Variants in HEXB observed in about 807,000 individuals in gnomAD.
The protein encoded by HEXB is beta-hexosaminidase subunit beta.
In HEXB, 51 loss-of-function variants were observed where a neutral mutation model predicts 71.2. That is an observed-to-expected ratio of 0.72 (90% CI 0.57 to 0.90). The LOEUF is 0.90. Among genes scored for constraint, HEXB ranks in the 40% least tolerant of loss-of-function variants. The probability of loss-of-function intolerance (pLI) is 0.00; values close to 1 mark genes in which losing one functional copy is unlikely to be tolerated. For synonymous variants in HEXB, 266 were observed against 249.3 expected, an observed-to-expected ratio of 1.07 and a Z score of -0.63; for missense variants, 617 against 677.0, an observed-to-expected ratio of 0.91 and a Z score of 0.98.
chr5:74,647,825 T>TAGCCAATCAGTCATTCATTC (rs1361863278), intron 1 of HEXB, among the ~76,000 whole-genome samples: 1 of 152,258 alleles, frequency 6.6e-6, no homozygotes, highest in Non-Finnish European at 1.5e-5. Flanking sequence ...TTCATTCATT[T>TAGCCAATCAGTCATTCATTC]AGCCAATCAG....
chr5:74,646,988 C>A (rs1053081177), intron 1 of HEXB, among the ~76,000 whole-genome samples: 6 of 152,184 alleles, frequency 3.9e-5, no homozygotes, highest in African/African-American at 1.4e-4. Flanking sequence ...GGTAGCCCTG[C>A]CAAAACACAT....
Position 74,652,212 on chromosome 5 carries a change from C to G in HEXB, c.-377+11654C>G, listed in dbSNP as rs1748125983. Among the ~76,000 whole-genome samples the G allele has an allele frequency of 6.6e-6, 1 of 152,166 alleles. No individual in the cohort carries two copies. Among genetic ancestry groups the G allele is most frequent in the Admixed American group, 6.5e-5 (1 of 15,286 alleles). On this transcript the variant is annotated intron_variant, in intron 1 of 13. Coordinates refer to the HEXB transcript ENST00000511181. This position sits in a 1 kb window ranked among gnomAD's most constrained non-coding sequence, Gnocchi z 5.4. ...ACAGTGGTTTACCTCTCAACAATCC[C>G]AGGAGGTAGATACTATCATTATCTC...
chr5:74,651,283 T>C (rs537484566), intron 1 of HEXB, among the ~76,000 whole-genome samples: 65 of 152,190 alleles, frequency 4.3e-4, no homozygotes, highest in African/African-American at 1.5e-3. Flanking sequence ...TCCATTAGAC[T>C]ACCTCTGTCT....
intron 1 of HEXB, among the ~76,000 whole-genome samples, chr5:74,648,706 C>T (rs1748046877): frequency 6.6e-6 from 1 of 152,200 alleles, no homozygotes; most frequent in Non-Finnish European, 1.5e-5. Context: ...TGATCAATGT[C>T]ATCGGCATAC....
At chr5:74,656,739 G>A (rs556800315) in intron 1 of HEXB, among the ~76,000 whole-genome samples, 3 of 152,192 alleles carry the variant, frequency 2.0e-5, no homozygotes, top group Admixed American at 1.3e-4. Context: ...AGCCTCCTGA[G>A]GAGCTGGGAT....
In HEXB at chr5:74,685,300, C is replaced by T. The variant is rs1209900411; in HGVS notation, c.40C>T (p.Leu14=). 1 of 1,559,076 alleles carries T rather than the reference C, an allele frequency of 6.4e-7. No homozygotes were observed. ...CGLGLPRPPM[L]LALLLATLLA... Reference sequence around the variant, plus strand: ...GCTGGGGCTGCCCCGGCCGCCCATGCTGCTGGCGCTGCTGTTGGCGACACT... The same window carrying T: ...GCTGGGGCTGCCCCGGCCGCCCATGTTGCTGGCGCTGCTGTTGGCGACACT... Residue 14 remains leucine (L), a synonymous_variant, in exon 1 of 14, where the codon CTG becomes TTG. Transcript: ENST00000261416.
chr5:74,684,079 A>T (rs1369747130), upstream of HEXB, among the ~76,000 whole-genome samples: 1 of 152,138 alleles, frequency 6.6e-6, no homozygotes, highest in African/African-American at 2.4e-5. Context: ...TTCGCCTTCC[A>T]AAGTGCTGGG....
At chr5:74,643,038 T>C (rs1278737815) in intron 1 of HEXB, among the ~76,000 whole-genome samples, 1 of 152,216 alleles carries the variant, frequency 6.6e-6, no homozygotes, top group Non-Finnish European at 1.5e-5. Context: ...AATTAGCTTA[T>C]GTAAGTCCTA....
intron 1 of HEXB, among the ~76,000 whole-genome samples, chr5:74,654,652 G>A (rs1748183429): frequency 6.6e-6 from 1 of 152,178 alleles, no homozygotes; most frequent in Non-Finnish European, 1.5e-5. Context: ...GGATCTAGAG[G>A]GGGAAACGAG....
intron 11 of HEXB, among the ~76,000 whole-genome samples, chr5:74,719,769 CTG>C (rs1749773990): frequency 6.6e-6 from 1 of 152,086 alleles, no homozygotes. Flanking sequence ...TGGTGAAATT[CTG>C]TCTCTACTAA....
rs1229601430 is a variant in HEXB at position 74,685,249 on chromosome 5, A to G, written c.-12A>G. On this transcript the variant is annotated 5_prime_UTR_variant, in exon 1 of 14. Coordinates refer to ENST00000261416, the MANE Select transcript of HEXB (RefSeq NM_000521.4). ...CGGCTCGGCAGACCGGGCGGAAAGCAGCCGAGCGGCCATGGAGCTGTGCGG... is the reference window on the plus strand; with the variant it reads ...CGGCTCGGCAGACCGGGCGGAAAGCGGCCGAGCGGCCATGGAGCTGTGCGG... 2.7e-6 allele frequency: 4 copies of G among 1,498,312 alleles called. No individual in the cohort carries two copies. Among genetic ancestry groups the G allele is most frequent in the Non-Finnish European group, 3.5e-6 (4 of 1,130,896 alleles). 92.8% of individuals were successfully genotyped at this position (1,498,312 alleles called of 1,614,324 possible).
Position 74,685,523 on chromosome 5 carries a change from G to T in HEXB, c.263G>T (p.Gly88Val), listed in dbSNP as rs2112123065. Reference sequence around the variant, plus strand: ...AGCCACAGCCCCAATTCCACGGCGGGCCCCTCCTGCACCCTGCTGGAGGAA... The same window carrying T: ...AGCCACAGCCCCAATTCCACGGCGGTCCCCTCCTGCACCCTGCTGGAGGAA... ...YISHSPNSTAGPSCTLLEEAF... is the reference protein window; with the variant it reads ...YISHSPNSTAVPSCTLLEEAF... The change falls in exon 1 of 14, where the codon GGC (glycine) becomes GTC (valine). Residue 88 changes from glycine (G) to valine (V), a missense_variant. Transcript: ENST00000261416. 1.2e-6 allele frequency: 2 copies of T among 1,603,512 alleles called. No individual in the cohort carries two copies. Among genetic ancestry groups the T allele is most frequent in the African/African-American group, 1.4e-5 (1 of 73,978 alleles).
intron 1 of HEXB, among the ~76,000 whole-genome samples, chr5:74,665,636 T>C (rs1276412421): frequency 2.0e-5 from 3 of 152,242 alleles, no homozygotes; most frequent in Non-Finnish European, 4.4e-5. Flanking sequence ...GCAAGTTTGA[T>C]GAAATCATAT....
chr5:74,685,275 G>T lies in HEXB; in HGVS notation c.15G>T (p.Gly5=). 6.5e-7 allele frequency: 1 copy of T among 1,540,638 alleles called. No individual in the cohort carries two copies. The highest frequency in any genetic ancestry group is 8.7e-7 in the Non-Finnish European group (1 of 1,148,946). ...GCCGAGCGGCCATGGAGCTGTGCGG[G>T]CTGGGGCTGCCCCGGCCGCCCATGC... MELC[G]LGLPRPPMLL... The change falls in exon 1 of 14, where the codon GGG becomes GGT. Residue 5 remains glycine (G), a synonymous_variant. Transcript: ENST00000261416.
intron 13 of HEXB, 57 bp downstream of exon 13, chr5:74,720,804 C>A: frequency 3.0e-6 from 4 of 1,344,902 alleles, no homozygotes; most frequent in South Asian, 2.4e-5. Context: ...GTGTTAGTTT[C>A]TTTTGCTATA....
At chr5:74,706,502 A>T (rs1749393696) in intron 6 of HEXB, among the ~76,000 whole-genome samples, 1 of 152,208 alleles carries the variant, frequency 6.6e-6, no homozygotes, top group Admixed American at 6.5e-5. Flanking sequence ...GCGTTGCCTC[A>T]CTCGGGAAGC....
chr5:74,674,047 G>A (rs1353997762), intron 1 of HEXB, among the ~76,000 whole-genome samples: 2 of 152,098 alleles, frequency 1.3e-5, no homozygotes, highest in Non-Finnish European at 1.5e-5. Flanking sequence ...GCATTCAGAA[G>A]CAGGGAAGTA....
At chr5:74,648,078 T>C (rs1748033759) in intron 1 of HEXB, among the ~76,000 whole-genome samples, 1 of 152,224 alleles carries the variant, frequency 6.6e-6, no homozygotes, top group East Asian at 1.9e-4. Context: ...TATGTGATCC[T>C]GGGCAAAGTA....
At chr5:74,690,937 G>A (rs1222744362) in intron 2 of HEXB, among the ~76,000 whole-genome samples, 1 of 152,160 alleles carries the variant, frequency 6.6e-6, no homozygotes, top group Non-Finnish European at 1.5e-5. Flanking sequence ...ATGTGAAGTA[G>A]GTTTTGCAAC....
Sources: gnomAD v4.1 joint callset for allele counts (sites outside exome capture counted in the v4.1 genomes callset) on GRCh38, gnomAD v4.1.1 for gene constraint, Gnocchi (gnomAD v3.1) non-coding constraint, MANE v1.5 for transcripts, NCBI Gene and HGNC (gene_info 2026-07-23, HGNC 2026-07-21) for gene names.